The following COG2 variants were observed in gnomAD, a reference collection of about 807,000 sequenced individuals.
COG2 encodes conserved oligomeric Golgi complex subunit 2.
COG2 carries 52 observed loss-of-function variants against 90.6 expected under a neutral mutation model. The ratio of observed to expected loss-of-function variants is 0.57; its 90% CI spans 0.46 to 0.72. The LOEUF is 0.72. COG2 is among the 30% of genes least tolerant of loss of function. The pLI, the probability that COG2 is intolerant of heterozygous loss-of-function variation, is 0.00. For synonymous variants in COG2, 337 were observed against 320.4 expected (o/e 1.05, Z -0.55); for missense variants, 829 against 891.2 (o/e 0.93, Z 0.89).
intron 1 of COG2, among the ~76,000 whole-genome samples, chr1:230,648,884 C>T (rs1170602787): frequency 1.3e-5 from 2 of 151,954 alleles, no homozygotes; most frequent in African/African-American, 2.4e-5. Flanking sequence ...CTTAAGAGCT[C>T]AAGAAATTAA....
Position 230,685,126 on chromosome 1 carries a change from A to C in COG2, c.1270A>C (p.Ser424Arg). The C allele has an allele frequency of 1.2e-6, 2 of 1,614,174 alleles. No individual in the cohort carries two copies. The highest frequency in any genetic ancestry group is 1.3e-5 in the African/African-American group (1 of 75,024). Reference sequence around the variant, plus strand: ...CCTTTTGGCTTCTCATAGAACTTGGAGCAGCCTTAGGAGGTGTTGGTCAGA... The same window carrying C: ...CCTTTTGGCTTCTCATAGAACTTGGCGCAGCCTTAGGAGGTGTTGGTCAGA... Reference protein sequence around the residue: ...YCLLASHRTWSSLRRCWSDEM... With the variant: ...YCLLASHRTWRSLRRCWSDEM... The change falls in exon 12 of 18, where the codon AGC (serine) becomes CGC (arginine). Residue 424 changes from serine to arginine, a missense_variant. Physicochemically the swap from Ser to Arg is moderately radical, Grantham distance 110 (BLOSUM62 -1). Transcript: ENST00000366669.
intron 1 of COG2, chr1:230,642,942 G>C: frequency 8.2e-6 from 4 of 488,324 alleles, no homozygotes; most frequent in Non-Finnish European, 1.5e-5. Flanking sequence ...GCATGTCAAA[G>C]CCACTGTTAC....
intron 10 of COG2, chr1:230,679,680 A>T (rs1352335688): frequency 6.6e-6 from 1 of 152,234 alleles, no homozygotes; most frequent in African/African-American, 2.4e-5. Context: ...CTTGGGGGAA[A>T]TTTAGGATGA....
rs1571940915 is a variant in COG2 at position 230,648,989 on chromosome 1, G to A, written c.72+6311G>A. Among the ~76,000 whole-genome samples, 10 of 152,316 alleles carry A rather than the reference G, an allele frequency of 6.6e-5. No homozygotes were observed. In the South Asian group the frequency reaches 2.1e-3, roughly 32 times the overall value. ...AAGAGAAGAAATCAGCTGGGACAGA[G>A]CACAAATATTTGTTAAATGGAAGTG... On this transcript the variant is annotated intron_variant, in intron 1 of 17. Coordinates refer to ENST00000366669, the MANE Select transcript of COG2 (RefSeq NM_007357.3).
At position 230,686,966 on chromosome 1, in the gene COG2, C is replaced by T. The variant is rs1264200321; in HGVS notation, c.1412C>T (p.Pro471Leu). 3.1e-6 allele frequency: 5 copies of T among 1,592,152 alleles called. No homozygotes were observed. Among genetic ancestry groups the T allele is most frequent in the Non-Finnish European group, 4.3e-6 (5 of 1,166,824 alleles). Residue 471 changes from proline (P) to leucine (L), a missense_variant, in exon 13 of 18, where the codon CCC becomes CTC. Physicochemically the swap from Pro to Leu is moderately conservative, Grantham distance 98 (BLOSUM62 -3). Transcript: ENST00000366669. Reference protein sequence around the residue: ...LSLRPISNESPKEIKKPLVTG... With the variant: ...LSLRPISNESLKEIKKPLVTG... ...CTCAGGCCCATTTCTAATGAAAGTC[C>T]CAAGGAGATCAAGAAACCTTTGGTA... is the stretch of plus-strand genomic sequence containing the variant.
chr1:230,692,792 A>G (rs61829762), intron 17 of COG2, among the ~76,000 whole-genome samples: 2,561 of 25,014 alleles, frequency 0.1, 68 homozygotes, highest in African/African-American at 0.17. Flanking sequence ...GTGTGTTGTT[A>G]TTGTCGTTTT....
rs770549699 is a variant in COG2 at position 230,660,805 on chromosome 1, A to G, written c.282A>G (p.Gln94=). Residue 94 remains glutamine, a synonymous_variant, in exon 3 of 18, where the codon CAA becomes CAG. Transcript: ENST00000366669. ...ALNQLSVPLG[Q]LREEVLSLRS... ...ACCAGCTTTCTGTGCCTTTGGGACAATTACGAGAAGAGGTTCTGGTAAGTT... is the reference window on the plus strand; with the variant it reads ...ACCAGCTTTCTGTGCCTTTGGGACAGTTACGAGAAGAGGTTCTGGTAAGTT... 1.9e-6 allele frequency: 3 copies of G among 1,588,982 alleles called. No homozygotes were observed. The highest frequency in any genetic ancestry group is 8.6e-7 in the Non-Finnish European group (1 of 1,169,062).
intron 1 of COG2, among the ~76,000 whole-genome samples, chr1:230,651,253 A>G (rs911834132): frequency 1.3e-5 from 2 of 152,050 alleles, no homozygotes; most frequent in African/African-American, 2.4e-5. Context: ...ATAGTTTTCT[A>G]TATTTGGGGA....
chr1:230,688,210 TG>T, intron 14 of COG2, 67 bp downstream of exon 14: 1 of 1,281,036 alleles, frequency 7.8e-7, no homozygotes. Context: ...TCTCAGAGAC[TG>T]TAGGGTATAT....
chr1:230,642,602 G>A lies in COG2; in HGVS notation c.-5G>A, dbSNP rs745909360. 6.2e-7 allele frequency: 1 copy of A among 1,611,084 alleles called. No homozygotes were observed. The highest frequency in any genetic ancestry group is 1.1e-5 in the South Asian group (1 of 90,286). ...TCTTGGCACTGAGAGGCGGTGGCCG[G>A]CGGGATGGAGAAAAGTAGGATGAAC... On this transcript the variant is annotated 5_prime_UTR_variant, in exon 1 of 18. Coordinates refer to ENST00000366669, the MANE Select transcript of COG2 (RefSeq NM_007357.3).
intron 8 of COG2, among the ~76,000 whole-genome samples, chr1:230,672,822 G>C (rs1327843710): frequency 1.3e-5 from 2 of 152,136 alleles, no homozygotes; most frequent in Non-Finnish European, 2.9e-5. Context: ...TCTTGACACA[G>C]TGTCTTAGAG....
chr1:230,681,075 C>T (rs757618179), intron 10 of COG2: 3 of 152,222 alleles, frequency 2.0e-5, no homozygotes, highest in African/African-American at 7.2e-5. Flanking sequence ...CTTGTGAACA[C>T]ATTTTGTATC....
At chr1:230,668,816 T>G in intron 6 of COG2, 32 bp downstream of exon 6, 8 of 1,343,826 alleles carry the variant, frequency 6.0e-6, no homozygotes, top group Non-Finnish European at 7.4e-6. Context: ...CACAGTTTGG[T>G]GTTTAGGGAC....
At chr1:230,677,833 G>A (rs570300833) in intron 9 of COG2, among the ~76,000 whole-genome samples, 42 of 152,270 alleles carry the variant, frequency 2.8e-4, no homozygotes, top group South Asian at 2.3e-3. Context: ...AAGCCTTAAT[G>A]TAATGTGTTT....
At chr1:230,691,221 A>G (rs1439399220) in intron 16 of COG2, among the ~76,000 whole-genome samples, 163 bp from the exon 17 acceptor site, 1 of 152,120 alleles carries the variant, frequency 6.6e-6, no homozygotes, top group Non-Finnish European at 1.5e-5. Flanking sequence ...ACATATATAT[A>G]TAAAATGATC....
intron 1 of COG2, among the ~76,000 whole-genome samples, chr1:230,655,090 C>G (rs534155455): frequency 6.6e-6 from 1 of 152,290 alleles, no homozygotes; most frequent in East Asian, 1.9e-4. Flanking sequence ...CCCTTTATTT[C>G]TTTCTCTTGC....
intron 1 of COG2, among the ~76,000 whole-genome samples, chr1:230,648,038 G>A (rs1257039188): frequency 6.6e-6 from 1 of 152,122 alleles, no homozygotes; most frequent in Admixed American, 6.5e-5. Flanking sequence ...TGACTCCCAG[G>A]CTTCAGTACT....
chr1:230,684,076 G>T (rs1662826341), intron 11 of COG2, among the ~76,000 whole-genome samples: 1 of 152,036 alleles, frequency 6.6e-6, no homozygotes, highest in African/African-American at 2.4e-5. Context: ...ACAGGCATGA[G>T]CCACCACACC....
chr1:230,681,688 C>G (rs1467672), intron 10 of COG2: 42,416 of 152,108 alleles, frequency 0.28, 6,604 homozygotes, highest in East Asian at 0.58. Context: ...ATTCGATGTG[C>G]ACATGAAAAC....
Sources: gnomAD v4.1 joint callset for allele counts (sites outside exome capture counted in the v4.1 genomes callset) on GRCh38, gnomAD v4.1.1 for gene constraint, MANE v1.5 for transcripts, NCBI Gene and HGNC (gene_info 2026-07-23, HGNC 2026-07-21) for gene names.